Variants in PACRG observed in about 807,000 individuals in gnomAD.
PACRG encodes parkin coregulated.
In PACRG, 29 loss-of-function variants were observed where a neutral mutation model predicts 29.7. The ratio of observed to expected loss-of-function variants is 0.98; its 90% confidence interval spans 0.73 to 1.33. The LOEUF (loss-of-function observed/expected upper bound fraction) is 1.33, where lower values mean the gene tolerates loss of function less well. Among genes scored for constraint, PACRG ranks in the 40% most tolerant of loss-of-function variants. The pLI is 0.00. For synonymous variants in PACRG, 116 were observed against 118.7 expected, an observed-to-expected ratio of 0.98 and a Z score of 0.15; for missense variants, 279 against 316.2, an observed-to-expected ratio of 0.88 and a Z score of 0.89.
intron 4 of PACRG, among the ~76,000 whole-genome samples, chr6:163,109,392 T>C (rs969266849): frequency 6.6e-6 from 1 of 152,200 alleles, no homozygotes; most frequent in African/African-American, 2.4e-5. Context: ...TTCTTTGTTC[T>C]CCATGCAGCA....
At chr6:162,808,060 T>A (rs1786514517) in intron 1 of PACRG, among the ~76,000 whole-genome samples, 1 of 152,250 alleles carries the variant, frequency 6.6e-6, no homozygotes. Context: ...CTTATTGTAA[T>A]AATTTTGTAA....
At chr6:163,138,536 C>G (rs889545134) in intron 4 of PACRG, among the ~76,000 whole-genome samples, 10 of 152,188 alleles carry the variant, frequency 6.6e-5, no homozygotes, top group Admixed American at 5.9e-4. Context: ...ATTAGATTCT[C>G]ATAAGGAGCA....
chr6:163,036,921 C>T (rs1226209649), intron 2 of PACRG, among the ~76,000 whole-genome samples: 1 of 150,838 alleles, frequency 6.6e-6, no homozygotes, highest in African/African-American at 2.4e-5. Flanking sequence ...TCCATTCACC[C>T]AGGTCTCTGT....
At chr6:163,028,973 G>A (rs889890624) in intron 2 of PACRG, among the ~76,000 whole-genome samples, 1 of 152,238 alleles carries the variant, frequency 6.6e-6, no homozygotes, top group African/African-American at 2.4e-5. Flanking sequence ...ATGCGATTAC[G>A]TTAACAGGTC....
At chr6:163,105,318 C>A (rs545311798) in intron 4 of PACRG, among the ~76,000 whole-genome samples, 1 of 152,078 alleles carries the variant, frequency 6.6e-6, no homozygotes, top group African/African-American at 2.4e-5. Flanking sequence ...CTGCGAGACA[C>A]AATCTAGCAC....
intron 2 of PACRG, among the ~76,000 whole-genome samples, chr6:163,041,289 A>G (rs1241282436): frequency 6.6e-6 from 1 of 152,108 alleles, no homozygotes; most frequent in Non-Finnish European, 1.5e-5. Context: ...GTGAACCGAG[A>G]TCGTGCCACT....
chr6:162,934,049 A>AT (rs879658722), intron 2 of PACRG, among the ~76,000 whole-genome samples: 3 of 152,158 alleles, frequency 2.0e-5, no homozygotes, highest in Admixed American at 2.0e-4. Context: ...AGATTACCTG[A>AT]TGTCAGGAGT....
chr6:162,929,009 G>C, intron 2 of PACRG, among the ~76,000 whole-genome samples: 1 of 151,846 alleles, frequency 6.6e-6, no homozygotes, highest in Non-Finnish European at 1.5e-5. Flanking sequence ...TCTTTATCCA[G>C]TCATCCACTG....
At position 162,741,746 on chromosome 6, in the gene PACRG, C is replaced by G. The variant is rs571098643; in HGVS notation, c.156+13355C>G. Among the ~76,000 whole-genome samples, 5 of 152,288 alleles carry G rather than the reference C, an allele frequency of 3.3e-5. No individual in the cohort carries two copies. The South Asian group carries it at 1.0e-3, about 32-fold the overall frequency. The stretch of plus-strand genomic sequence containing the variant: ...GTCAAGACTGGAAGAAGGACCATCT[C>G]TTGGAGTTCTTGGCTGCCAGAATGA... On this transcript the variant is annotated intron_variant, in intron 1 of 4. Coordinates refer to ENST00000366888, the MANE Select transcript of PACRG (RefSeq NM_001080379.2).
At chr6:162,857,449 G>A (rs1791497374) in intron 2 of PACRG, among the ~76,000 whole-genome samples, 1 of 152,186 alleles carries the variant, frequency 6.6e-6, no homozygotes, top group Non-Finnish European at 1.5e-5. Context: ...AAACTGCTTT[G>A]TTTCTCCTAT....
intron 1 of PACRG, among the ~76,000 whole-genome samples, chr6:162,739,172 G>A (rs1255521183): frequency 6.6e-6 from 1 of 151,982 alleles, no homozygotes; most frequent in Non-Finnish European, 1.5e-5. Context: ...ATAAATTGTT[G>A]GTATCAGACT....
intron 4 of PACRG, among the ~76,000 whole-genome samples, chr6:163,252,593 C>A (rs1269285491): frequency 2.0e-5 from 3 of 152,208 alleles, no homozygotes; most frequent in African/African-American, 7.2e-5. Flanking sequence ...TGACTGTCAT[C>A]TTTCCACTCC....
intron 4 of PACRG, among the ~76,000 whole-genome samples, chr6:163,184,253 G>A (rs1779810021): frequency 6.6e-6 from 1 of 152,200 alleles, no homozygotes; most frequent in East Asian, 1.9e-4. Context: ...AGAACATAGA[G>A]TAACTGGAAG....
intron 2 of PACRG, among the ~76,000 whole-genome samples, chr6:162,994,536 G>C (rs141761560): frequency 6.6e-6 from 1 of 151,850 alleles, no homozygotes; most frequent in African/African-American, 2.4e-5. Context: ...GATCGCATCG[G>C]CTCTTGAGGC....
At chr6:162,866,493 T>C (rs1562678062) in intron 2 of PACRG, among the ~76,000 whole-genome samples, 1 of 152,212 alleles carries the variant, frequency 6.6e-6, no homozygotes, top group Non-Finnish European at 1.5e-5. Flanking sequence ...AGAAACCCTA[T>C]GAGCCATAGA....
chr6:163,199,760 A>T (rs948793589), intron 4 of PACRG, among the ~76,000 whole-genome samples: 2 of 152,086 alleles, frequency 1.3e-5, no homozygotes, highest in Non-Finnish European at 2.9e-5. Context: ...TCATTCTTTA[A>T]CTTAGCCCCA....
chr6:163,111,091 A>T (rs889610926), intron 4 of PACRG, among the ~76,000 whole-genome samples: 4 of 150,806 alleles, frequency 2.7e-5, no homozygotes, highest in Non-Finnish European at 5.9e-5. Context: ...TAGTCAAGCA[A>T]TTCATTCCTA....
chr6:163,065,882 G>T (rs1346359168), intron 3 of PACRG, among the ~76,000 whole-genome samples: 1 of 152,106 alleles, frequency 6.6e-6, no homozygotes, highest in Non-Finnish European at 1.5e-5. Flanking sequence ...ACGTTAAGGC[G>T]CTCTCTCAGA....
intron 2 of PACRG, among the ~76,000 whole-genome samples, chr6:163,057,217 C>G (rs909750424): frequency 1.5e-4 from 23 of 152,176 alleles, no homozygotes; most frequent in Admixed American, 5.2e-4. Flanking sequence ...CAGGATTTAG[C>G]CCAAATTGTA....
Sources: gnomAD v4.1 joint callset for allele counts (sites outside exome capture counted in the v4.1 genomes callset) on GRCh38, gnomAD v4.1.1 for gene constraint, MANE v1.5 for transcripts, NCBI Gene and HGNC (gene_info 2026-07-23, HGNC 2026-07-21) for gene names.